Variants in PCLO observed in about 807,000 individuals in gnomAD.
PCLO encodes the protein piccolo presynaptic cytomatrix protein.
A neutral mutation model predicts 427.5 loss-of-function variants in PCLO; 82 were observed. The ratio of observed to expected loss-of-function variants is 0.19; its 90% CI spans 0.16 to 0.23. The LOEUF (loss-of-function observed/expected upper bound fraction) is 0.23, where lower values mean the gene tolerates loss of function less well. Among genes scored for constraint, PCLO ranks in the 10% least tolerant of loss-of-function variants. The pLI is 1.00. For missense variants in PCLO, 6,239 were observed against 6,115.9 expected, an observed-to-expected ratio of 1.02 and a Z score of -0.67; for synonymous variants, 2,357 against 2,155.4, an observed-to-expected ratio of 1.09 and a Z score of -2.59.
intron 3 of PCLO, among the ~76,000 whole-genome samples, chr7:83,062,291 C>T (rs2116319294): frequency 6.6e-6 from 1 of 152,122 alleles, no homozygotes; most frequent in Admixed American, 6.5e-5. Flanking sequence ...TTCTTTTCAC[C>T]AATGTGCTAA....
chr7:83,003,406 G>A (rs920563217), intron 3 of PCLO, among the ~76,000 whole-genome samples: 1 of 151,652 alleles, frequency 6.6e-6, no homozygotes, highest in African/African-American at 2.4e-5. Context: ...TCATTTTTAT[G>A]TTGGGGGTAG....
At chr7:82,838,466 T>C (rs1792284498) in intron 14 of PCLO, 124 bp from the exon 15 acceptor site, 3 of 600,164 alleles carry the variant, frequency 5.0e-6, no homozygotes, top group Admixed American at 3.4e-5. Context: ...TTTCATTTTA[T>C]TTGAAACCAA....
At chr7:82,872,624 T>C (rs922726479) in intron 10 of PCLO, among the ~76,000 whole-genome samples, 1 of 152,112 alleles carries the variant, frequency 6.6e-6, no homozygotes, top group Admixed American at 6.6e-5. Context: ...GAAATTTAAG[T>C]TGTATTGTAG....
chr7:82,763,856 A>G (rs960283966), intron 22 of PCLO, among the ~76,000 whole-genome samples: 2 of 152,088 alleles, frequency 1.3e-5, no homozygotes, highest in African/African-American at 4.8e-5. Context: ...AAGCATAAAT[A>G]AAAGATTTTA....
chr7:82,782,050 A>G (rs1318760083), intron 22 of PCLO, among the ~76,000 whole-genome samples: 5 of 152,222 alleles, frequency 3.3e-5, no homozygotes, highest in Non-Finnish European at 5.9e-5. Flanking sequence ...AGAGGAGATC[A>G]CAGGAACCCC....
intron 3 of PCLO, among the ~76,000 whole-genome samples, chr7:83,006,148 T>C (rs911142093): frequency 2.0e-5 from 3 of 151,614 alleles, no homozygotes; most frequent in African/African-American, 7.2e-5. Flanking sequence ...CAACTTTTGA[T>C]AGAAAAGAGC....
chr7:82,895,682 AC>A (rs1219300019), intron 9 of PCLO, among the ~76,000 whole-genome samples: 1 of 152,086 alleles, frequency 6.6e-6, no homozygotes, highest in African/African-American at 2.4e-5. Flanking sequence ...TATGATGAAT[AC>A]ATTTGTGACA....
chr7:82,837,227 G>C (rs1258856694), intron 15 of PCLO, among the ~76,000 whole-genome samples: 1 of 152,044 alleles, frequency 6.6e-6, no homozygotes, highest in East Asian at 1.9e-4. Flanking sequence ...AGTGTATGAG[G>C]AAAAGAAACA....
At chr7:82,933,664 C>A (rs1794888149) in intron 6 of PCLO, among the ~76,000 whole-genome samples, 1 of 151,768 alleles carries the variant, frequency 6.6e-6, no homozygotes, top group Non-Finnish European at 1.5e-5. Flanking sequence ...TGACATTGAA[C>A]ATTTATGCTT....
intron 3 of PCLO, among the ~76,000 whole-genome samples, chr7:83,094,640 G>GGAC (rs1378237165): frequency 2.0e-5 from 3 of 152,086 alleles, no homozygotes; most frequent in Non-Finnish European, 2.9e-5. Context: ...ATCCACTTAA[G>GGAC]GACATCTGGC....
At chr7:83,082,145 A>T (rs971805752) in intron 3 of PCLO, among the ~76,000 whole-genome samples, 5 of 151,290 alleles carry the variant, frequency 3.3e-5, no homozygotes, top group Admixed American at 3.3e-4. Flanking sequence ...GCACACACAT[A>T]TGTAAAATCC....
chr7:83,138,756 C>G (rs1415723743), intron 2 of PCLO, among the ~76,000 whole-genome samples: 1 of 150,766 alleles, frequency 6.6e-6, no homozygotes, highest in African/African-American at 2.4e-5. Context: ...ATGGTAGATA[C>G]CATAAGTGGG....
intron 10 of PCLO, among the ~76,000 whole-genome samples, chr7:82,849,264 G>C (rs1004391302): frequency 6.6e-6 from 1 of 152,064 alleles, no homozygotes; most frequent in African/African-American, 2.4e-5. Flanking sequence ...TAAAGAACTA[G>C]TATGGTTAAT....
chr7:82,817,553 T>A (rs2115611597), intron 20 of PCLO, among the ~76,000 whole-genome samples: 1 of 152,088 alleles, frequency 6.6e-6, no homozygotes. Flanking sequence ...CCACTACCAC[T>A]TGCCCAAGGC....
At chr7:83,112,426 T>C (rs1014262515) in intron 3 of PCLO, among the ~76,000 whole-genome samples, 3 of 152,102 alleles carry the variant, frequency 2.0e-5, no homozygotes, top group East Asian at 1.9e-4. Context: ...TTTAGTAAAA[T>C]AGTAATCATA....
intron 6 of PCLO, among the ~76,000 whole-genome samples, chr7:82,928,707 A>G (rs1794772664): frequency 6.6e-6 from 1 of 152,132 alleles, no homozygotes; most frequent in Non-Finnish European, 1.5e-5. Context: ...TGGGTATAGA[A>G]ACAAAAGCAA....
At chr7:83,027,220 A>G (rs1242315610) in intron 3 of PCLO, among the ~76,000 whole-genome samples, 1 of 143,758 alleles carries the variant, frequency 7.0e-6, no homozygotes, top group South Asian at 2.3e-4. Flanking sequence ...AAGACTAATA[A>G]AGAAAAAAAG....
At chr7:82,977,413 T>C (rs1023282396) in intron 3 of PCLO, among the ~76,000 whole-genome samples, 1 of 150,026 alleles carries the variant, frequency 6.7e-6, no homozygotes, top group African/African-American at 2.4e-5. Context: ...TATTTATTTA[T>C]TTATTTATTT....
At chr7:82,809,601 G>GTAATAATAATAA (rs61674452) in intron 20 of PCLO, among the ~76,000 whole-genome samples, 24,239 of 149,076 alleles carry the variant, frequency 0.16, 2,352 homozygotes, top group East Asian at 0.39. Context: ...TAATGAATAA[G>GTAATAATAATAA]TAATAATAAT....
Sources: gnomAD v4.1 joint callset for allele counts (sites outside exome capture counted in the v4.1 genomes callset) on GRCh38, gnomAD v4.1.1 for gene constraint, MANE v1.5 for transcripts, NCBI Gene and HGNC (gene_info 2026-07-23, HGNC 2026-07-21) for gene names.